Variants in PCDHA9 observed in about 807,000 individuals in gnomAD.
PCDHA9 encodes protocadherin alpha 9, also known as protocadherin alpha-9.
In PCDHA9, 62 loss-of-function variants were observed where a neutral mutation model predicts 62.0. That is an observed-to-expected ratio of 1.00 (90% CI 0.81 to 1.23). The LOEUF (loss-of-function observed/expected upper bound fraction) is 1.23. Ranked by LOEUF, PCDHA9 falls within the 50% of genes most tolerant of loss-of-function variation. PCDHA9 has a pLI of 0.00. For missense variants in PCDHA9, 1,205 were observed against 1,249.8 expected (o/e 0.96, Z 0.54); for synonymous variants, 557 against 567.6 (o/e 0.98, Z 0.27).
intron 1 of PCDHA9, chr5:140,867,918 T>C (rs1236326427): frequency 6.6e-6 from 1 of 152,144 alleles, no homozygotes; most frequent in Non-Finnish European, 1.5e-5. Context: ...TAATTAAAAA[T>C]CACTTCCCTT....
chr5:141,002,333 G>T (rs782123745), intron 3 of PCDHA9, among the ~76,000 whole-genome samples: 1 of 152,196 alleles, frequency 6.6e-6, no homozygotes, highest in African/African-American at 2.4e-5. Context: ...GGCTGCATCC[G>T]CACCCCTTCC....
chr5:140,875,889 G>C, intron 1 of PCDHA9: 1 of 1,614,174 alleles, frequency 6.2e-7, no homozygotes, highest in South Asian at 1.1e-5. Context: ...GGGAACAAAA[G>C]GTACCTGTTT....
At chr5:140,941,247 C>CT (rs1398354432) in intron 1 of PCDHA9, among the ~76,000 whole-genome samples, 1 of 128,506 alleles carries the variant, frequency 7.8e-6, no homozygotes, top group African/African-American at 2.9e-5. Context: ...TTCTTTCTTT[C>CT]TTTCTTTCTC....
intron 1 of PCDHA9, chr5:140,877,662 C>A (rs1176424464): frequency 1.9e-6 from 3 of 1,613,440 alleles, no homozygotes; most frequent in East Asian, 2.2e-5. Context: ...CCACCGTGAG[C>A]CGGTGCGCGC....
At chr5:140,907,591 C>T (rs539639384) in intron 1 of PCDHA9, among the ~76,000 whole-genome samples, 10 of 152,294 alleles carry the variant, frequency 6.6e-5, no homozygotes, top group African/African-American at 2.4e-4. Flanking sequence ...GGCTGATCAC[C>T]CTGAGGAATG....
Position 140,849,566 on chromosome 5 carries a change from T to C in PCDHA9, c.1071T>C (p.Val357=). The C allele has an allele frequency of 1.3e-6, 2 of 1,598,556 alleles. No individual in the cohort carries two copies. The highest frequency in any genetic ancestry group is 1.7e-6 in the Non-Finnish European group (2 of 1,167,922). ...APQLTIKTLS[V]PVKEDAQLGT... ...AGTTGACTATCAAAACGCTCTCGGT[T>C]CCTGTAAAAGAGGACGCACAACTGG... is the stretch of plus-strand genomic sequence containing the variant. The change falls in exon 1 of 4, where the codon GTT becomes GTC. Residue 357 remains valine (V), a synonymous_variant. Transcript: ENST00000532602.
chr5:140,875,306 C>T, intron 1 of PCDHA9: 1 of 1,420,166 alleles, frequency 7.0e-7, no homozygotes, highest in Admixed American at 2.9e-5. Context: ...TTCTCCGCAC[C>T]CACATTCCAA....
In PCDHA9 at chr5:140,959,884, G is replaced by A. The variant is rs141989766; in HGVS notation, c.2395-19065G>A. On this transcript the variant is annotated intron_variant, in intron 1 of 3. Coordinates refer to ENST00000532602, the MANE Select transcript of PCDHA9 (RefSeq NM_031857.2). ...TAGCAAAATCTGTCAAGGAATACAC[G>A]AGTGGGATTTATATCAGAAAAATCA... Among the ~76,000 whole-genome samples, 570 of 152,254 alleles carry A rather than the reference G, an allele frequency of 3.7e-3. 1 individual carries two copies. The highest frequency in any genetic ancestry group is 6.9e-3 in the Non-Finnish European group (471 of 68,018).
intron 1 of PCDHA9, chr5:140,863,675 G>T (rs782582155): frequency 1.1e-4 from 31 of 292,406 alleles, no homozygotes; most frequent in South Asian, 4.0e-4. Context: ...TTTTGCTTTT[G>T]CTTTTTCTTT....
intron 1 of PCDHA9, chr5:140,883,274 C>T (rs1554177451): frequency 1.9e-6 from 3 of 1,613,998 alleles, no homozygotes; most frequent in South Asian, 2.2e-5. Flanking sequence ...TCATTGTACC[C>T]TTTTGGTGGA....
intron 1 of PCDHA9, chr5:140,969,386 C>G (rs782109093): frequency 6.3e-7 from 1 of 1,596,966 alleles, no homozygotes; most frequent in South Asian, 1.1e-5. Flanking sequence ...TACACATCCC[C>G]CAATATCCTG....
chr5:140,971,000 T>G (rs1409787417), intron 1 of PCDHA9, among the ~76,000 whole-genome samples: 2 of 152,196 alleles, frequency 1.3e-5, no homozygotes, highest in African/African-American at 4.8e-5. Flanking sequence ...ATCAAAGAGT[T>G]TCCAGAAGTC....
intron 1 of PCDHA9, among the ~76,000 whole-genome samples, chr5:140,874,119 GTTTA>G (rs1582151784): frequency 6.6e-6 from 1 of 152,064 alleles, no homozygotes; most frequent in Non-Finnish European, 1.5e-5. Flanking sequence ...ACGTTTTATA[GTTTA>G]TTTAAGTTAT....
chr5:140,870,347 AGAACGTGTGGGCCTAT>A (rs782552389), intron 1 of PCDHA9: 3 of 1,614,176 alleles, frequency 1.9e-6, no homozygotes, highest in Non-Finnish European at 2.5e-6. Flanking sequence ...CTGGACCGCG[AGAACGTGTGGGCCTAT>A]GAACTGGTGG....
intron 1 of PCDHA9, chr5:140,966,319 G>T: frequency 2.6e-6 from 1 of 388,824 alleles, no homozygotes; most frequent in Admixed American, 4.5e-5. Context: ...CCTGCGGTCC[G>T]CTGGGATCCG....
At chr5:140,879,805 A>T (rs992856039) in intron 1 of PCDHA9, among the ~76,000 whole-genome samples, 2 of 152,128 alleles carry the variant, frequency 1.3e-5, no homozygotes, top group Non-Finnish European at 1.5e-5. Context: ...TCCAGTTTCT[A>T]TTGGCTGTTG....
At chr5:140,874,217 A>G (rs2054785474) in intron 1 of PCDHA9, among the ~76,000 whole-genome samples, 1 of 152,214 alleles carries the variant, frequency 6.6e-6, no homozygotes, top group African/African-American at 2.4e-5. Flanking sequence ...TATTATATGC[A>G]GTAGGAATGA....
intron 1 of PCDHA9, chr5:140,854,190 A>T: frequency 1.5e-6 from 1 of 648,854 alleles, no homozygotes; most frequent in Non-Finnish European, 1.9e-6. Flanking sequence ...TAGTTTAACT[A>T]CTCCCTACTT....
At position 140,978,793 on chromosome 5, in the gene PCDHA9, A is replaced by G. The variant is rs1241254692; in HGVS notation, c.2395-156A>G. 4.1e-6 allele frequency: 4 copies of G among 977,674 alleles called. No individual in the cohort carries two copies. In the African/African-American group the frequency reaches 7.0e-5, roughly 17 times the overall value. The allele number at this position is 977,674 out of a possible 1,614,324, so 60.6% of individuals were successfully genotyped here. On this transcript the variant is annotated intron_variant, in intron 1 of 3. Coordinates refer to ENST00000532602, the MANE Select transcript of PCDHA9 (RefSeq NM_031857.2). ...CTAATTTTCTTCTAAAGTGCTATAT[A>G]TGTAGATATCATCATAGAGTTACAC... is the stretch of plus-strand genomic sequence containing the variant.
Sources: allele counts gnomAD v4.1 joint callset (sites outside exome capture counted in the v4.1 genomes callset), GRCh38; gene constraint gnomAD v4.1.1; transcripts MANE v1.5; gene names NCBI Gene and HGNC (gene_info 2026-07-23, HGNC 2026-07-21).